The following AMOTL1 variants were observed in gnomAD, a reference collection of about 807,000 sequenced individuals.
AMOTL1 encodes angiomotin like 1, also known as angiomotin-like protein 1.
Under a neutral mutation model 102.9 loss-of-function variants are expected in AMOTL1, and 45 were observed. The ratio of observed to expected loss-of-function variants is 0.44; its 90% confidence interval spans 0.34 to 0.56. AMOTL1 has a LOEUF of 0.56. Among genes scored for constraint, AMOTL1 ranks in the 20% least tolerant of loss-of-function variants. AMOTL1 has a pLI of 0.01. For synonymous variants in AMOTL1, 481 were observed against 484.7 expected, an observed-to-expected ratio of 0.99 and a Z score of 0.10; for missense variants, 1,114 against 1,225.6, an observed-to-expected ratio of 0.91 and a Z score of 1.36.
rs1951346704 is a variant in AMOTL1, at chr11:94,795,277, T to TC, written c.199+117_199+118insC. 5 of 1,284,986 alleles carry TC rather than the reference T, an allele frequency of 3.9e-6. No individual in the cohort carries two copies. In the African/African-American group the frequency reaches 6.0e-5, roughly 15 times the overall value. 79.6% of individuals were successfully genotyped at this position (1,284,986 alleles called of 1,614,324 possible). On this transcript the variant is annotated intron_variant, in intron 2 of 12. Coordinates refer to ENST00000433060, the MANE Select transcript of AMOTL1 (RefSeq NM_130847.3). ...TCTAATCTTGTTTTTTAAATCATCA[T>TC]ATTGGATTATTGATTGTCTGTTCAT...
intron 1 of AMOTL1, among the ~76,000 whole-genome samples, chr11:94,770,557 G>A (rs1449232947): frequency 6.6e-6 from 1 of 152,096 alleles, no homozygotes; most frequent in Admixed American, 6.5e-5. Flanking sequence ...TAAACCTGCA[G>A]GTGGATAGGA....
chr11:94,733,054 G>T (rs1950379186), intron 2 of AMOTL1, among the ~76,000 whole-genome samples: 1 of 152,214 alleles, frequency 6.6e-6, no homozygotes, highest in African/African-American at 2.4e-5. Context: ...TTGAAATCTT[G>T]TGAAGTAGTT....
chr11:94,715,054 G>A (rs1289218364), intron 1 of AMOTL1, among the ~76,000 whole-genome samples: 2 of 152,014 alleles, frequency 1.3e-5, no homozygotes, highest in African/African-American at 4.8e-5. Flanking sequence ...AAATTCTGAT[G>A]TTGTTTCTTC....
intron 3 of AMOTL1, among the ~76,000 whole-genome samples, chr11:94,756,830 T>C (rs1364216457): frequency 6.6e-6 from 1 of 152,214 alleles, no homozygotes; most frequent in Non-Finnish European, 1.5e-5. Context: ...CACTGAGACA[T>C]GAGCACATCA....
chr11:94,775,340 C>T (rs1276119500), intron 1 of AMOTL1, among the ~76,000 whole-genome samples: 1 of 152,062 alleles, frequency 6.6e-6, no homozygotes. Context: ...GGTCTGAGTG[C>T]CTTCCAAATG....
In AMOTL1 at chr11:94,799,076, A is replaced by T. The variant is rs1480606088; in HGVS notation, c.200-314A>T. On this transcript the variant is annotated intron_variant, in intron 2 of 12. Transcript: ENST00000433060. This position sits in a 1 kb window ranked among gnomAD's most constrained non-coding sequence, Gnocchi z 4.5. ...TGGTTTTCTCTTGTATTTTTTTTTA[A>T]ATGGGAAAGACTTGGGTATATTTAT... is the stretch of plus-strand genomic sequence containing the variant. 6.6e-6 allele frequency among the ~76,000 whole-genome samples: 1 copy of T among 151,898 alleles called. No homozygotes were observed. The highest frequency in any genetic ancestry group is 2.4e-5 in the African/African-American group (1 of 41,348).
chr11:94,714,479 C>A (rs12295027), intron 1 of AMOTL1, among the ~76,000 whole-genome samples: 3,663 of 152,114 alleles, frequency 0.024, 149 homozygotes, highest in African/African-American at 0.085. Context: ...AAATGCTTGG[C>A]AAAATTCTCC....
Position 94,869,179 on chromosome 11 carries a change from A to G in AMOTL1, c.2489-19A>G, listed in dbSNP as rs777747336. On this transcript the variant is annotated intron_variant, in intron 11 of 12. Coordinates refer to ENST00000433060, the MANE Select transcript of AMOTL1 (RefSeq NM_130847.3). ...AAAAGGAAAAAAAGAATGTTGAAAA[A>G]TCTGTTCTCTGCCCTCAGGATTGCT... is the stretch of plus-strand genomic sequence containing the variant. 51 of 1,545,478 alleles carry G rather than the reference A, an allele frequency of 3.3e-5. No individual in the cohort carries two copies. Among genetic ancestry groups the G allele is most frequent in the Non-Finnish European group, 4.4e-5 (50 of 1,145,262 alleles).
chr11:94,794,890 A>C (rs2895562), intron 1 of AMOTL1, 121 bp from the exon 2 acceptor site: 69,671 of 1,135,982 alleles, frequency 0.061, 8,831 homozygotes, highest in African/African-American at 0.41. Context: ...ATCAAAAAGA[A>C]AGAGCTCCCT....
At chr11:94,791,070 C>T (rs1951277500) in intron 1 of AMOTL1, among the ~76,000 whole-genome samples, 1 of 152,146 alleles carries the variant, frequency 6.6e-6, no homozygotes, top group South Asian at 2.1e-4. Flanking sequence ...GAAAGCAATG[C>T]ATAAAACCAT....
chr11:94,820,701 T>G (rs1255943324), intron 3 of AMOTL1, among the ~76,000 whole-genome samples: 1 of 152,186 alleles, frequency 6.6e-6, no homozygotes. Context: ...GTAGAATCAG[T>G]AGGAGCCCTG....
At chr11:94,714,135 A>G (rs1428411099) in intron 1 of AMOTL1, among the ~76,000 whole-genome samples, 1 of 152,090 alleles carries the variant, frequency 6.6e-6, no homozygotes, top group Admixed American at 6.6e-5. Context: ...TGCAATGATC[A>G]GTATGATCAT....
At chr11:94,744,213 A>G (rs1950563194) in intron 3 of AMOTL1, among the ~76,000 whole-genome samples, 1 of 152,228 alleles carries the variant, frequency 6.6e-6, no homozygotes, top group African/African-American at 2.4e-5. Flanking sequence ...AGGGCTTCCT[A>G]CAACCTTCTT....
At chr11:94,780,161 G>A (rs1951088945) in intron 1 of AMOTL1, among the ~76,000 whole-genome samples, 1 of 152,172 alleles carries the variant, frequency 6.6e-6, no homozygotes, top group Non-Finnish European at 1.5e-5. Flanking sequence ...GTAATGCTCA[G>A]TACAGAGGAC....
At chr11:94,712,987 T>G (rs1950042312) in intron 1 of AMOTL1, among the ~76,000 whole-genome samples, 1 of 151,994 alleles carries the variant, frequency 6.6e-6, no homozygotes, top group Non-Finnish European at 1.5e-5. Flanking sequence ...GTCTTTAATC[T>G]ATTTTGAATT....
chr11:94,794,706 G>T (rs1007173539), intron 1 of AMOTL1, among the ~76,000 whole-genome samples: 4 of 152,188 alleles, frequency 2.6e-5, no homozygotes, highest in Admixed American at 6.5e-5. Flanking sequence ...TCCCGCAGAG[G>T]ACTTGACTTT....
At chr11:94,861,673 T>G (rs1371065213) in intron 9 of AMOTL1, among the ~76,000 whole-genome samples, 1 of 152,188 alleles carries the variant, frequency 6.6e-6, no homozygotes, top group Non-Finnish European at 1.5e-5. Flanking sequence ...CCTGACCACA[T>G]TGCTTTGGCT....
chr11:94,756,403 A>G (rs531426075), intron 3 of AMOTL1, among the ~76,000 whole-genome samples: 6 of 152,310 alleles, frequency 3.9e-5, no homozygotes, highest in Non-Finnish European at 7.3e-5. Flanking sequence ...CAACATAAGG[A>G]TATATTTTAT....
At chr11:94,745,287 C>T (rs1171460443) in intron 3 of AMOTL1, among the ~76,000 whole-genome samples, 3 of 148,848 alleles carry the variant, frequency 2.0e-5, no homozygotes, top group Non-Finnish European at 4.4e-5. Context: ...TGTGATGTTC[C>T]CCACTCTGTG....
Sources: allele counts gnomAD v4.1 joint callset (sites outside exome capture counted in the v4.1 genomes callset), GRCh38; gene constraint gnomAD v4.1.1; non-coding constraint Gnocchi (gnomAD v3.1); transcripts MANE v1.5; gene names NCBI Gene and HGNC (gene_info 2026-07-23, HGNC 2026-07-21).